NLK: variants seen among roughly 807,000 people sequenced by gnomAD.
NLK encodes the protein nemo like kinase.
In NLK, 11 loss-of-function variants were observed where a neutral mutation model predicts 59.0. The ratio of observed to expected loss-of-function variants is 0.19; its 90% confidence interval spans 0.12 to 0.31. The LOEUF is 0.31. Among genes scored for constraint, NLK ranks in the 10% least tolerant of loss-of-function variants. NLK has a pLI of 1.00. For synonymous variants in NLK, 235 were observed against 235.9 expected, an observed-to-expected ratio of 1.00 and a Z score of 0.03; for missense variants, 410 against 661.1, an observed-to-expected ratio of 0.62 and a Z score of 4.16.
chr17:28,178,441 A>G (rs1320884264), intron 7 of NLK, among the ~76,000 whole-genome samples: 1 of 152,192 alleles, frequency 6.6e-6, no homozygotes, highest in Non-Finnish European at 1.5e-5. Context: ...TCTCTTTTCT[A>G]CAACTCAAAA....
intron 10 of NLK, among the ~76,000 whole-genome samples, chr17:28,192,653 A>AGCGAAAC (rs1220077769): frequency 2.0e-5 from 3 of 151,710 alleles, no homozygotes; most frequent in African/African-American, 7.3e-5. Context: ...AGGCAACAAG[A>AGCGAAAC]GCGAAACTCC....
chr17:28,086,635 A>AT (rs1003301481), intron 1 of NLK, among the ~76,000 whole-genome samples: 14 of 151,856 alleles, frequency 9.2e-5, no homozygotes, highest in African/African-American at 3.4e-4. Flanking sequence ...ATATTTTTAA[A>AT]TTTTTTTTCA....
intron 1 of NLK, among the ~76,000 whole-genome samples, chr17:28,087,125 T>G (rs1910544885): frequency 6.6e-6 from 1 of 152,102 alleles, no homozygotes; most frequent in African/African-American, 2.4e-5. Flanking sequence ...GTGAATCTTT[T>G]GCTGTTAGAT....
chr17:28,138,251 A>G (rs929398292), intron 3 of NLK, among the ~76,000 whole-genome samples: 2 of 152,258 alleles, frequency 1.3e-5, no homozygotes, highest in Non-Finnish European at 2.9e-5. Flanking sequence ...AACTTGAAGC[A>G]TAACTTAGCA....
At chr17:28,043,359 C>G (rs1908939369) in intron 1 of NLK, 28 bp downstream of exon 1, 1 of 1,490,500 alleles carries the variant, frequency 6.7e-7, no homozygotes, top group Admixed American at 2.3e-5. Context: ...AACACAACCT[C>G]TCATGGTTTC....
At chr17:28,189,066 C>T (rs1909223277) in intron 8 of NLK, among the ~76,000 whole-genome samples, 1 of 151,994 alleles carries the variant, frequency 6.6e-6, no homozygotes, top group African/African-American at 2.4e-5. Context: ...CACAAATGAC[C>T]TGACCTCAGT....
chr17:28,057,162 T>C (rs1909471944), intron 1 of NLK, among the ~76,000 whole-genome samples: 1 of 152,026 alleles, frequency 6.6e-6, no homozygotes, highest in Admixed American at 6.6e-5. Flanking sequence ...TCCATGTTGG[T>C]CAGCCTGGTC....
intron 7 of NLK, among the ~76,000 whole-genome samples, chr17:28,173,202 TC>T (rs2142058511): frequency 6.6e-6 from 1 of 152,320 alleles, no homozygotes; most frequent in South Asian, 2.1e-4. Flanking sequence ...TACAAGCACT[TC>T]CTTATCTCCT....
intron 3 of NLK, among the ~76,000 whole-genome samples, chr17:28,158,024 A>G (rs1395339235): frequency 6.6e-6 from 1 of 152,188 alleles, no homozygotes; most frequent in Non-Finnish European, 1.5e-5. Context: ...ACAGACAGAG[A>G]ATAAACATAA....
chr17:28,172,072 A>G (rs867232442), intron 6 of NLK, among the ~76,000 whole-genome samples: 6 of 151,232 alleles, frequency 4.0e-5, no homozygotes, highest in Admixed American at 3.3e-4. Context: ...GTTAAATAGG[A>G]ATAGGATAGA....
chr17:28,192,680 C>A lies in NLK; in HGVS notation c.1529+467C>A, dbSNP rs566747376. ...CGAAACTCCATCTCAAAAAAAAAAA[C>A]AAAAAACTGTAAGCATCACATTTTA... On this transcript the variant is annotated intron_variant, in intron 10 of 10. Transcript: ENST00000407008. 2.9e-3 allele frequency among the ~76,000 whole-genome samples: 444 copies of A among 151,090 alleles called. 1 individual carries two copies. Among genetic ancestry groups the A allele is most frequent in the Non-Finnish European group, 4.6e-3 (310 of 67,740 alleles).
chr17:28,055,736 G>A (rs1046959972), intron 1 of NLK, among the ~76,000 whole-genome samples: 1 of 152,080 alleles, frequency 6.6e-6, no homozygotes, highest in African/African-American at 2.4e-5. Context: ...TATTATTACT[G>A]GTTTCAGTAT....
intron 1 of NLK, among the ~76,000 whole-genome samples, chr17:28,100,366 A>G (rs1178837589): frequency 3.9e-5 from 6 of 152,302 alleles, no homozygotes; most frequent in African/African-American, 4.8e-5. Flanking sequence ...CCACGAGCTC[A>G]TGTTTTATTG....
chr17:28,141,356 A>G (rs899591246), intron 3 of NLK, among the ~76,000 whole-genome samples: 6 of 152,164 alleles, frequency 3.9e-5, no homozygotes, highest in African/African-American at 9.7e-5. Context: ...AGAATCTCCA[A>G]CCACAAATGA....
intron 3 of NLK, among the ~76,000 whole-genome samples, chr17:28,151,543 C>G (rs1182619457): frequency 6.6e-6 from 1 of 151,944 alleles, no homozygotes; most frequent in Non-Finnish European, 1.5e-5. Context: ...TATAAAAATC[C>G]TATATTTAAA....
At chr17:28,124,818 G>A (rs913245846) in intron 2 of NLK, among the ~76,000 whole-genome samples, 1 of 151,922 alleles carries the variant, frequency 6.6e-6, no homozygotes, top group African/African-American at 2.4e-5. Flanking sequence ...GGGAGGCCAA[G>A]GCAGCTGGAT....
intron 2 of NLK, among the ~76,000 whole-genome samples, chr17:28,131,046 A>G (rs1325665696): frequency 2.0e-5 from 3 of 152,164 alleles, no homozygotes; most frequent in Non-Finnish European, 2.9e-5. Flanking sequence ...TAAACTATTT[A>G]AAAGCCTCCA....
intron 2 of NLK, among the ~76,000 whole-genome samples, chr17:28,127,880 G>A (rs1906354305): frequency 6.6e-6 from 1 of 152,032 alleles, no homozygotes; most frequent in Non-Finnish European, 1.5e-5. Context: ...GCAACAGAAG[G>A]TATAAAGCAC....
chr17:28,114,124 T>C (rs1389740791), intron 1 of NLK, among the ~76,000 whole-genome samples: 2 of 152,206 alleles, frequency 1.3e-5, no homozygotes, highest in Non-Finnish European at 2.9e-5. Flanking sequence ...TTGTATACTG[T>C]ATATTATATA....
Sources: gnomAD v4.1 joint callset for allele counts (sites outside exome capture counted in the v4.1 genomes callset) on GRCh38, gnomAD v4.1.1 for gene constraint, MANE v1.5 for transcripts, NCBI Gene and HGNC (gene_info 2026-07-23, HGNC 2026-07-21) for gene names.